The following BANF2 variants were observed in gnomAD, a reference collection of about 807,000 sequenced individuals.
BANF2 encodes the protein barrier-to-autointegration factor-like protein.
A neutral mutation model predicts 8.0 loss-of-function variants in BANF2; 4 were observed. The observed-to-expected ratio is 0.50, with a 90% confidence interval of 0.25 to 1.14. The LOEUF is 1.14. BANF2 is among the 50% of genes most tolerant of loss of function. The pLI is 0.16. For missense variants in BANF2, 96 were observed against 107.5 expected, an observed-to-expected ratio of 0.89 and a Z score of 0.47; for synonymous variants, 50 against 40.6, an observed-to-expected ratio of 1.23 and a Z score of -0.88.
At chr20:17,713,162 G>C (rs1368018944) in intron 1 of BANF2, among the ~76,000 whole-genome samples, 1 of 152,098 alleles carries the variant, frequency 6.6e-6, no homozygotes, top group African/African-American at 2.4e-5. Context: ...TGAGGCAGGA[G>C]GATGGAGGAT....
In BANF2 at chr20:17,708,654, AT is replaced by A. The variant is rs199630471; in HGVS notation, c.-167+8606del. Among the ~76,000 whole-genome samples the A allele has an allele frequency of 5.4e-3, 828 of 152,082 alleles. 3 individuals are homozygous for A. Among genetic ancestry groups the A allele is most frequent in the Admixed American group, 7.5e-3 (115 of 15,266 alleles). ...CTTGCACTGTTTTCTTCACTGCTTT[AT>A]TTTTTTAATTTGCCTTGTCCCTCTG... On this transcript the variant is annotated intron_variant, in intron 1 of 3. Transcript: ENST00000246090.
chr20:17,694,601 CTTTT>C (rs869067650), intron 1 of BANF2, among the ~76,000 whole-genome samples: 5 of 26,766 alleles, frequency 1.9e-4, no homozygotes, highest in Non-Finnish European at 2.1e-4. Flanking sequence ...TTTTCTCTCT[CTTTT>C]TTTTTTTTTT....
At chr20:17,728,610 AT>A (rs1474479362) in intron 3 of BANF2, among the ~76,000 whole-genome samples, 1 of 151,792 alleles carries the variant, frequency 6.6e-6, no homozygotes, top group Non-Finnish European at 1.5e-5. Flanking sequence ...GCCTGTCCCC[AT>A]TTTTCCCAGA....
At chr20:17,714,984 G>A (rs2037629996) in intron 1 of BANF2, among the ~76,000 whole-genome samples, 1 of 152,340 alleles carries the variant, frequency 6.6e-6, no homozygotes, top group Non-Finnish European at 1.5e-5. Flanking sequence ...TCTAGAGACT[G>A]TAAATGAACA....
intron 1 of BANF2, among the ~76,000 whole-genome samples, chr20:17,716,795 T>C (rs1017085627): frequency 7.1e-6 from 1 of 141,524 alleles, no homozygotes; most frequent in Non-Finnish European, 1.5e-5. Context: ...GAGCCCAAGA[T>C]TGTGCCACTG....
chr20:17,697,980 G>A (rs559311585), upstream of BANF2, among the ~76,000 whole-genome samples: 34 of 152,052 alleles, frequency 2.2e-4, no homozygotes, highest in Admixed American at 5.9e-4. Flanking sequence ...CAGGATGGGC[G>A]GATCATCTGA....
chr20:17,701,461 G>T (rs533910439), intron 1 of BANF2, among the ~76,000 whole-genome samples: 3 of 152,226 alleles, frequency 2.0e-5, no homozygotes, highest in African/African-American at 7.2e-5. Flanking sequence ...ACTCTCTATC[G>T]ACTATCCCCA....
chr20:17,722,364 G>A (rs908847649), intron 1 of BANF2, among the ~76,000 whole-genome samples: 9 of 152,196 alleles, frequency 5.9e-5, no homozygotes, highest in Admixed American at 6.5e-5. Flanking sequence ...CTTAACAGAT[G>A]GCCAGCATGG....
At chr20:17,720,362 A>G (rs916385758) in intron 1 of BANF2, among the ~76,000 whole-genome samples, 1 of 152,242 alleles carries the variant, frequency 6.6e-6, no homozygotes, top group Non-Finnish European at 1.5e-5. Context: ...AAGAATAAAC[A>G]AAATGTGTTG....
intron 3 of BANF2, among the ~76,000 whole-genome samples, chr20:17,729,803 G>T (rs914330770): frequency 6.6e-6 from 1 of 152,228 alleles, no homozygotes; most frequent in African/African-American, 2.4e-5. Flanking sequence ...CAATGTTAGT[G>T]GCACAGCTTG....
At chr20:17,715,754 T>C (rs1404204968) in intron 1 of BANF2, among the ~76,000 whole-genome samples, 2 of 152,080 alleles carry the variant, frequency 1.3e-5, no homozygotes, top group African/African-American at 4.8e-5. Context: ...AGTGAATGAG[T>C]ATTAGGGGTC....
intron 1 of BANF2, among the ~76,000 whole-genome samples, chr20:17,719,392 A>G (rs1226661517): frequency 6.6e-6 from 1 of 152,060 alleles, no homozygotes; most frequent in Admixed American, 6.6e-5. Flanking sequence ...TCAGCCTCCC[A>G]AAGTGCTGGG....
intron 1 of BANF2, among the ~76,000 whole-genome samples, chr20:17,710,974 C>T (rs2122591771): frequency 6.6e-6 from 1 of 152,258 alleles, no homozygotes; most frequent in African/African-American, 2.4e-5. Flanking sequence ...AATCAGGATG[C>T]CCAGTGAAAT....
chr20:17,717,859 G>A (rs1179711383), intron 1 of BANF2, among the ~76,000 whole-genome samples: 1 of 152,106 alleles, frequency 6.6e-6, no homozygotes, highest in Non-Finnish European at 1.5e-5. Flanking sequence ...CACTTCCCTG[G>A]GGTAGGCAAT....
At chr20:17,715,522 C>T (rs2037639395) in intron 1 of BANF2, among the ~76,000 whole-genome samples, 1 of 152,230 alleles carries the variant, frequency 6.6e-6, no homozygotes, top group Non-Finnish European at 1.5e-5. Context: ...ATCTTGTTCC[C>T]CATTGCAGAA....
chr20:17,696,967 GTGA>G (rs1448475834), upstream of BANF2, among the ~76,000 whole-genome samples: 1 of 152,026 alleles, frequency 6.6e-6, no homozygotes, highest in Non-Finnish European at 1.5e-5. Flanking sequence ...GATGATGATG[GTGA>G]TGATGATGAT....
intron 3 of BANF2, among the ~76,000 whole-genome samples, chr20:17,730,413 C>T (rs1319232993): frequency 2.0e-5 from 3 of 152,172 alleles, no homozygotes; most frequent in Non-Finnish European, 2.9e-5. Flanking sequence ...GCTTCTCTTA[C>T]CTCCTTACCG....
chr20:17,718,300 G>C (rs2037684059), intron 1 of BANF2, among the ~76,000 whole-genome samples: 1 of 152,126 alleles, frequency 6.6e-6, no homozygotes, highest in Non-Finnish European at 1.5e-5. Flanking sequence ...TGCCTCCCAG[G>C]TTCAAGCAGT....
chr20:17,727,525 G>A (rs2037825599), intron 3 of BANF2, among the ~76,000 whole-genome samples: 1 of 152,118 alleles, frequency 6.6e-6, no homozygotes, highest in African/African-American at 2.4e-5. Context: ...GGGGGTGAGA[G>A]CCTGTATCAG....
Sources: allele counts gnomAD v4.1 joint callset (sites outside exome capture counted in the v4.1 genomes callset), GRCh38; gene constraint gnomAD v4.1.1; transcripts MANE v1.5; gene names NCBI Gene and HGNC (gene_info 2026-07-23, HGNC 2026-07-21).